Variants in TRIM44 observed in about 807,000 individuals in gnomAD.
The protein encoded by TRIM44 is tripartite motif containing 44, also known as tripartite motif-containing protein 44.
In TRIM44, 13 loss-of-function variants were observed where a neutral mutation model predicts 37.4. The ratio of observed to expected loss-of-function variants is 0.35; its 90% CI spans 0.23 to 0.55. TRIM44 has a LOEUF of 0.55. TRIM44 is among the 20% of genes least tolerant of loss of function. TRIM44 has a pLI of 0.89. For missense variants in TRIM44, 426 were observed against 437.2 expected (o/e 0.97, Z 0.23); for synonymous variants, 175 against 157.2 (o/e 1.11, Z -0.85).
chr11:35,776,617 C>T (rs949082580), intron 4 of TRIM44, among the ~76,000 whole-genome samples: 5 of 152,230 alleles, frequency 3.3e-5, no homozygotes, highest in African/African-American at 7.2e-5. Flanking sequence ...TTTCCCTCTA[C>T]ACACTGCTTT....
At chr11:35,699,441 TGG>T (rs1280665361) in intron 2 of TRIM44, among the ~76,000 whole-genome samples, 1 of 152,132 alleles carries the variant, frequency 6.6e-6, no homozygotes, top group African/African-American at 2.4e-5. Context: ...TAGGTATTGA[TGG>T]GACGTATCTC....
At chr11:35,763,508 T>TC (rs1296013087) in intron 4 of TRIM44, among the ~76,000 whole-genome samples, 1 of 152,158 alleles carries the variant, frequency 6.6e-6, no homozygotes, top group African/African-American at 2.4e-5. Context: ...TTGTGTAAAC[T>TC]CAAGTCATTG....
chr11:35,780,297 G>A (rs1274248021), intron 4 of TRIM44, among the ~76,000 whole-genome samples: 1 of 152,124 alleles, frequency 6.6e-6, no homozygotes, highest in East Asian at 1.9e-4. Context: ...GTTGATGTAA[G>A]GTTAAGAAGA....
At chr11:35,674,304 C>T (rs891129275) in intron 1 of TRIM44, among the ~76,000 whole-genome samples, 5 of 151,760 alleles carry the variant, frequency 3.3e-5, no homozygotes, top group African/African-American at 1.2e-4. Flanking sequence ...ATGATAGGAT[C>T]AAGTCAACAT....
intron 4 of TRIM44, among the ~76,000 whole-genome samples, chr11:35,736,111 A>G (rs761136318): frequency 6.6e-6 from 1 of 152,146 alleles, no homozygotes; most frequent in Non-Finnish European, 1.5e-5. Context: ...AACACAATTG[A>G]GGAATATTTG....
At position 35,810,445 on chromosome 11, in the gene TRIM44, G is replaced by A. The variant is rs1468555196; in HGVS notation, c.*4060G>A. On this transcript the variant is annotated 3_prime_UTR_variant, in exon 5 of 5. Coordinates refer to ENST00000299413, the MANE Select transcript of TRIM44 (RefSeq NM_017583.6). ...TAAGAGAAAAAGAAGGCCCATATGG[G>A]AGACTTCAGTCTCATTATTATTGCC... 1 of 152,100 alleles carries A rather than the reference G, an allele frequency of 6.6e-6. No individual in the cohort carries two copies. The allele number at this position is 152,100 out of a possible 1,614,324, so 9.4% of individuals were successfully genotyped here. A position where few individuals can be genotyped will look rare whatever the true frequency, so the allele number is the denominator to read the frequency against.
chr11:35,755,660 C>G (rs1384139134), intron 4 of TRIM44, among the ~76,000 whole-genome samples: 1 of 152,166 alleles, frequency 6.6e-6, no homozygotes, highest in Admixed American at 6.5e-5. Context: ...AGTCTTTAAT[C>G]TATCTTGAAT....
intron 3 of TRIM44, among the ~76,000 whole-genome samples, chr11:35,734,198 A>G (rs938403453): frequency 1.3e-5 from 2 of 152,190 alleles, no homozygotes; most frequent in African/African-American, 4.8e-5. Context: ...ATATATATAT[A>G]TAGTAGCTTC....
intron 4 of TRIM44, among the ~76,000 whole-genome samples, chr11:35,787,496 C>G (rs1853144900): frequency 6.6e-6 from 1 of 152,096 alleles, no homozygotes; most frequent in African/African-American, 2.4e-5. Flanking sequence ...TAGAATGTCC[C>G]CCACTTTTTT....
At chr11:35,687,944 T>C (rs1851599759) in intron 2 of TRIM44, among the ~76,000 whole-genome samples, 1 of 152,172 alleles carries the variant, frequency 6.6e-6, no homozygotes, top group Admixed American at 6.5e-5. Flanking sequence ...TGGAGCCAGC[T>C]TGAAGAAGGG....
At chr11:35,716,901 G>A (rs1296906054) in intron 2 of TRIM44, among the ~76,000 whole-genome samples, 1 of 152,062 alleles carries the variant, frequency 6.6e-6, no homozygotes, top group South Asian at 2.1e-4. Flanking sequence ...TCTGTAAATG[G>A]GTATAATAAT....
intron 3 of TRIM44, among the ~76,000 whole-genome samples, chr11:35,727,423 C>T (rs1852191444): frequency 6.6e-6 from 1 of 152,122 alleles, no homozygotes; most frequent in African/African-American, 2.4e-5. Flanking sequence ...CAAAGTAATC[C>T]AGGAGGCAGG....
rs1274250124 is a variant in TRIM44 at position 35,809,536 on chromosome 11, G to A, written c.*3151G>A. On this transcript the variant is annotated 3_prime_UTR_variant, in exon 5 of 5. Transcript: ENST00000299413. ...ATTGCTGACTTGAGCCCACCCCCAG[G>A]AGTTAGGAGAACATTTCCTTTTTCA... 1.3e-5 allele frequency: 2 copies of A among 152,108 alleles called. No homozygotes were observed. The highest frequency in any genetic ancestry group is 4.8e-5 in the African/African-American group (2 of 41,412). 9.4% of individuals were successfully genotyped at this position (152,108 alleles called of 1,614,324 possible). A position where few individuals can be genotyped will look rare whatever the true frequency, so the allele number is the denominator to read the frequency against.
intron 1 of TRIM44, among the ~76,000 whole-genome samples, chr11:35,678,091 G>T (rs950461517): frequency 1.3e-5 from 2 of 152,162 alleles, no homozygotes; most frequent in African/African-American, 4.8e-5. Flanking sequence ...GGTGGGGTAG[G>T]GGTTGACTAG....
chr11:35,734,368 T>C (rs1163925060), intron 3 of TRIM44, among the ~76,000 whole-genome samples: 1 of 152,164 alleles, frequency 6.6e-6, no homozygotes, highest in African/African-American at 2.4e-5. Context: ...TTTTACAAAT[T>C]AGGAAATTGA....
At chr11:35,689,054 A>C (rs1050177529) in intron 2 of TRIM44, among the ~76,000 whole-genome samples, 1 of 152,190 alleles carries the variant, frequency 6.6e-6, no homozygotes, top group African/African-American at 2.4e-5. Context: ...GGAGGGGAAA[A>C]AGAGGTGGGT....
chr11:35,763,884 A>G (rs186792091), intron 4 of TRIM44, among the ~76,000 whole-genome samples: 1 of 152,264 alleles, frequency 6.6e-6, no homozygotes, highest in Admixed American at 6.5e-5. Context: ...TCGTGGAACT[A>G]ATGCAGCCTT....
Position 35,812,262 on chromosome 11 carries a change from C to T in TRIM44, c.*5877C>T, listed in dbSNP as rs1216783639. 1 of 152,132 alleles carries T rather than the reference C, an allele frequency of 6.6e-6. No homozygotes were observed. Among genetic ancestry groups the T allele is most frequent in the Admixed American group, 6.5e-5 (1 of 15,268 alleles). 9.4% of individuals were successfully genotyped at this position (152,132 alleles called of 1,614,324 possible). A position where few individuals can be genotyped will look rare whatever the true frequency, so the allele number is the denominator to read the frequency against. The stretch of plus-strand genomic sequence containing the variant: ...TGTCTGGAATATCTCCTGGCCTTCA[C>T]AAGGCACCAGAGTTAGAGACACCCA... On this transcript the variant is annotated 3_prime_UTR_variant, in exon 5 of 5. Transcript: ENST00000299413.
intron 3 of TRIM44, among the ~76,000 whole-genome samples, chr11:35,728,794 T>C (rs570020909): frequency 3.9e-5 from 6 of 152,226 alleles, no homozygotes; most frequent in Non-Finnish European, 7.3e-5. Context: ...ATTATGCCTA[T>C]GTACCTACCA....
Sources: gnomAD v4.1 joint callset for allele counts (sites outside exome capture counted in the v4.1 genomes callset) on GRCh38, gnomAD v4.1.1 for gene constraint, MANE v1.5 for transcripts, NCBI Gene and HGNC (gene_info 2026-07-23, HGNC 2026-07-21) for gene names.